The following SIRT5 variants were observed in gnomAD, a reference collection of about 807,000 sequenced individuals.
SIRT5 encodes the protein sirtuin 5.
Under a neutral mutation model 40.0 loss-of-function variants are expected in SIRT5, and 26 were observed. The ratio of observed to expected loss-of-function variants is 0.65; its 90% CI spans 0.48 to 0.90. The LOEUF is 0.90. Among genes scored for constraint, SIRT5 ranks in the 40% least tolerant of loss-of-function variants. The probability of loss-of-function intolerance (pLI) is 0.00; values close to 1 mark genes in which losing one functional copy is unlikely to be tolerated. For synonymous variants in SIRT5, 146 were observed against 149.1 expected (o/e 0.98, Z 0.15); for missense variants, 401 against 402.4 (o/e 1.00, Z 0.03).
At chr6:13,586,146 C>G (rs575374655) in intron 3 of SIRT5, among the ~76,000 whole-genome samples, 1 of 152,260 alleles carries the variant, frequency 6.6e-6, no homozygotes, top group African/African-American at 2.4e-5. Flanking sequence ...GATATTAGCC[C>G]TTTGTCAGAT....
intron 9 of SIRT5, among the ~76,000 whole-genome samples, chr6:13,609,930 T>C (rs1763614364): frequency 6.6e-6 from 1 of 152,166 alleles, no homozygotes. Flanking sequence ...ATGTAAGTAC[T>C]GAAAGACCTG....
intron 2 of SIRT5, among the ~76,000 whole-genome samples, chr6:13,582,336 C>T (rs1016162619): frequency 3.9e-5 from 6 of 152,114 alleles, no homozygotes; most frequent in Non-Finnish European, 8.8e-5. Flanking sequence ...TTGCCTTTCT[C>T]TTACAAAATA....
At chr6:13,595,440 T>C in intron 5 of SIRT5, 37 bp from the exon 6 acceptor site, 1 of 1,473,476 alleles carries the variant, frequency 6.8e-7, no homozygotes, top group Non-Finnish European at 9.5e-7. Flanking sequence ...CTCTTGATTA[T>C]ACTAAATTCT....
At chr6:13,576,327 C>CT (rs1236195259) in intron 1 of SIRT5, among the ~76,000 whole-genome samples, 1 of 152,146 alleles carries the variant, frequency 6.6e-6, no homozygotes, top group Admixed American at 6.5e-5. Context: ...TGTCTTTGAT[C>CT]TTTTTTATAA....
rs199842606 is a variant in SIRT5 at position 13,611,998 on chromosome 6, A to T, written c.*133A>T. 41 of 769,606 alleles carry T rather than the reference A, an allele frequency of 5.3e-5. No homozygotes were observed. The highest frequency in any genetic ancestry group is 6.6e-5 in the Admixed American group (3 of 45,134). The allele number at this position is 769,606 out of a possible 1,614,324, so 47.7% of individuals were successfully genotyped here. Reference sequence around the variant, plus strand: ...CCTCTGATTCCCTCGCTGGAATCCAACCTGTTGATAAGTGATGGGGGTTTA... The same window carrying T: ...CCTCTGATTCCCTCGCTGGAATCCATCCTGTTGATAAGTGATGGGGGTTTA... On this transcript the variant is annotated 3_prime_UTR_variant, in exon 10 of 10. Transcript: ENST00000606117.
chr6:13,584,097 A>G lies in SIRT5; in HGVS notation c.-14A>G, dbSNP rs750480737. ...AAAGCCCGCCTCAAGCATTAGAACT[A>G]CAGACAAACCCTGATGCGACCTCTC... On this transcript the variant is annotated 5_prime_UTR_variant, in exon 3 of 10. Transcript: ENST00000606117. 5 of 1,606,614 alleles carry G rather than the reference A, an allele frequency of 3.1e-6. No homozygotes were observed. The highest frequency in any genetic ancestry group is 1.3e-5 in the African/African-American group (1 of 74,862).
intron 1 of SIRT5, 84 bp downstream of exon 1, chr6:13,574,828 A>G (rs1300604529): frequency 6.6e-6 from 1 of 152,266 alleles, no homozygotes; most frequent in Admixed American, 6.5e-5. Context: ...ATCCCACCCG[A>G]GCAGGTGGGC....
chr6:13,594,636 T>C lies in SIRT5; in HGVS notation c.476-841T>C, dbSNP rs1170634271. Among the ~76,000 whole-genome samples the C allele has an allele frequency of 7.2e-5, 11 of 152,198 alleles. 1 individual carries two copies. Among genetic ancestry groups the C allele is most frequent in the Admixed American group, 7.2e-4 (11 of 15,282 alleles). On this transcript the variant is annotated intron_variant, in intron 5 of 9. Coordinates refer to ENST00000606117, the MANE Select transcript of SIRT5 (RefSeq NM_012241.5). ...CACCACATGGGGGCCGTGCGCAGCA[T>C]GTGGCTGAGCTTGTATTTGGGATGT...
At chr6:13,581,954 A>C (rs1435328599) in intron 2 of SIRT5, among the ~76,000 whole-genome samples, 1 of 152,068 alleles carries the variant, frequency 6.6e-6, no homozygotes, top group Non-Finnish European at 1.5e-5. Flanking sequence ...CATTCCTTCC[A>C]CCTTTTAGAT....
At chr6:13,596,732 C>T (rs1261138081) in intron 6 of SIRT5, among the ~76,000 whole-genome samples, 1 of 152,172 alleles carries the variant, frequency 6.6e-6, no homozygotes, top group Admixed American at 6.5e-5. Context: ...AGCAGTCCTC[C>T]CACTTTGGCC....
intron 4 of SIRT5, among the ~76,000 whole-genome samples, chr6:13,590,083 G>A (rs943108305): frequency 7.9e-5 from 12 of 152,146 alleles, no homozygotes; most frequent in Non-Finnish European, 1.6e-4. Context: ...TTCAATGTAG[G>A]AAGTGTCTCC....
intron 4 of SIRT5, among the ~76,000 whole-genome samples, chr6:13,591,003 G>A (rs1216221628): frequency 6.6e-6 from 1 of 151,700 alleles, no homozygotes; most frequent in African/African-American, 2.4e-5. Flanking sequence ...TTGTGTGGAT[G>A]TAGATGTGTG....
At chr6:13,588,541 A>G (rs2127641949) in intron 4 of SIRT5, 77 bp downstream of exon 4, 1 of 1,494,526 alleles carries the variant, frequency 6.7e-7, no homozygotes, top group Non-Finnish European at 9.0e-7. Flanking sequence ...TCCTATACCG[A>G]TCCCCGAAAC....
At chr6:13,576,138 C>T (rs1221004700) in intron 1 of SIRT5, among the ~76,000 whole-genome samples, 1 of 152,206 alleles carries the variant, frequency 6.6e-6, no homozygotes, top group East Asian at 1.9e-4. Context: ...ATCTCTTCAA[C>T]ATACTGATTT....
intron 7 of SIRT5, among the ~76,000 whole-genome samples, chr6:13,598,444 G>A (rs926319231): frequency 6.6e-6 from 1 of 152,162 alleles, no homozygotes; most frequent in African/African-American, 2.4e-5. Context: ...CTGGGTGGCT[G>A]TGAGCACAAA....
At chr6:13,574,907 C>T (rs1233944529) in intron 1 of SIRT5, among the ~76,000 whole-genome samples, 163 bp downstream of exon 1, 1 of 152,082 alleles carries the variant, frequency 6.6e-6, no homozygotes, top group Admixed American at 6.5e-5. Context: ...AGAAAGGTCA[C>T]CCTGGTCATT....
At chr6:13,595,416 C>A in intron 5 of SIRT5, 61 bp from the exon 6 acceptor site, 1 of 1,245,386 alleles carries the variant, frequency 8.0e-7, no homozygotes, top group Non-Finnish European at 1.2e-6. Flanking sequence ...CCCTTTTAGA[C>A]ATGGAGAAGG....
At chr6:13,577,820 C>A (rs193060343) in intron 1 of SIRT5, among the ~76,000 whole-genome samples, 1 of 151,744 alleles carries the variant, frequency 6.6e-6, no homozygotes, top group Admixed American at 6.6e-5. Flanking sequence ...CCTTTCCTTG[C>A]ATAATTGCTC....
At chr6:13,579,263 A>T (rs529366772) in intron 1 of SIRT5, among the ~76,000 whole-genome samples, 188 bp from the exon 2 acceptor site, 4 of 152,362 alleles carry the variant, frequency 2.6e-5, no homozygotes, top group African/African-American at 7.2e-5. Context: ...GTCTTAAAAT[A>T]CTTTGTAGTC....
Sources: gnomAD v4.1 joint callset for allele counts (sites outside exome capture counted in the v4.1 genomes callset) on GRCh38, gnomAD v4.1.1 for gene constraint, MANE v1.5 for transcripts, NCBI Gene and HGNC (gene_info 2026-07-23, HGNC 2026-07-21) for gene names.